Variants in RAD51B observed in about 807,000 individuals in gnomAD.
RAD51B encodes the protein DNA repair protein RAD51 homolog 2.
RAD51B carries 38 observed loss-of-function variants against 42.2 expected under a neutral mutation model. That is an observed-to-expected ratio of 0.90 (90% CI 0.70 to 1.18). The LOEUF (loss-of-function observed/expected upper bound fraction) is 1.18. Among genes scored for constraint, RAD51B ranks in the 50% most tolerant of loss-of-function variants. The pLI is 0.00. For synonymous variants in RAD51B, 154 were observed against 145.2 expected, an observed-to-expected ratio of 1.06 and a Z score of -0.43; for missense variants, 373 against 400.7, an observed-to-expected ratio of 0.93 and a Z score of 0.59.
intron 7 of RAD51B, among the ~76,000 whole-genome samples, chr14:68,000,526 A>G (rs1180264446): frequency 6.6e-6 from 1 of 152,136 alleles, no homozygotes; most frequent in Non-Finnish European, 1.5e-5. Context: ...ATTTTATTTC[A>G]TTGAGGTTAA....
intron 8 of RAD51B, among the ~76,000 whole-genome samples, chr14:68,363,992 C>T (rs924015129): frequency 6.6e-6 from 1 of 152,188 alleles, no homozygotes; most frequent in African/African-American, 2.4e-5. Flanking sequence ...ACACGCGCCC[C>T]AGTGAGAGCG....
intron 10 of RAD51B, among the ~76,000 whole-genome samples, chr14:68,619,963 A>T (rs1262358678): frequency 1.3e-5 from 2 of 152,102 alleles, no homozygotes; most frequent in East Asian, 3.9e-4. Context: ...CCTTGCCCCA[A>T]ATATAATGTA....
rs945471718 is a variant in RAD51B at position 68,477,933 on chromosome 14, T to A, written c.*269T>A. On this transcript the variant is annotated 3_prime_UTR_variant, in exon 11 of 11. Transcript: ENST00000471583. The stretch of plus-strand genomic sequence containing the variant: ...CATGGGATGTCAACAGCCATAATAA[T>A]AATTTGCACTTATATAGCACCTTTC... The A allele has an allele frequency of 7.9e-7, 1 of 1,265,430 alleles. No individual in the cohort carries two copies. Among genetic ancestry groups the A allele is most frequent in the Non-Finnish European group, 9.9e-7 (1 of 1,005,450 alleles). 78.4% of individuals were successfully genotyped at this position (1,265,430 alleles called of 1,614,324 possible).
At position 68,334,100 on chromosome 14, in the gene RAD51B, G is replaced by A. The variant is rs1168900821; in HGVS notation, c.853+42120G>A. 1.3e-5 allele frequency among the ~76,000 whole-genome samples: 2 copies of A among 151,970 alleles called. 1 individual carries two copies. Among genetic ancestry groups the A allele is most frequent in the East Asian group, 3.9e-4 (2 of 5,188 alleles). On this transcript the variant is annotated intron_variant, in intron 8 of 10. Coordinates refer to ENST00000471583, the MANE Select transcript of RAD51B (RefSeq NM_133510.4). ...CAGGTTCATCTATATTGTCACAAAT[G>A]GTGGAATCTCATTCTTTTTTATGGC... is the stretch of plus-strand genomic sequence containing the variant.
chr14:67,882,829 C>T (rs1018474614), intron 5 of RAD51B, among the ~76,000 whole-genome samples: 3 of 152,116 alleles, frequency 2.0e-5, no homozygotes, highest in Non-Finnish European at 4.4e-5. Context: ...ACTGCAACCT[C>T]CATCTCCCAG....
intron 7 of RAD51B, among the ~76,000 whole-genome samples, chr14:68,267,738 A>G (rs1446806000): frequency 6.6e-6 from 1 of 152,194 alleles, no homozygotes; most frequent in Non-Finnish European, 1.5e-5. Flanking sequence ...ATTATAATCT[A>G]TTGGGCTGAT....
chr14:68,190,195 G>GT (rs35371800), intron 7 of RAD51B, among the ~76,000 whole-genome samples: 122,413 of 152,050 alleles, frequency 0.81, 49,699 homozygotes, highest in East Asian at 0.98. Context: ...GAGTTTAGTA[G>GT]TTTCCTTGAA....
At chr14:68,646,345 G>T (rs1166103930) in intron 10 of RAD51B, among the ~76,000 whole-genome samples, 1 of 152,164 alleles carries the variant, frequency 6.6e-6, no homozygotes, top group Non-Finnish European at 1.5e-5. Flanking sequence ...GACTATGAAT[G>T]AAACTGACCT....
chr14:68,064,242 A>G (rs949228790), intron 7 of RAD51B, among the ~76,000 whole-genome samples: 1 of 151,982 alleles, frequency 6.6e-6, no homozygotes, highest in Non-Finnish European at 1.5e-5. Context: ...ATGGCTAGCA[A>G]TTTTTTTCTT....
At chr14:67,826,556 A>G (rs972448804) in intron 3 of RAD51B, among the ~76,000 whole-genome samples, 5 of 152,232 alleles carry the variant, frequency 3.3e-5, no homozygotes, top group African/African-American at 7.2e-5. Context: ...TTACTGCCTT[A>G]TATTGAAATT....
At chr14:68,063,622 G>A (rs1325591391) in intron 7 of RAD51B, among the ~76,000 whole-genome samples, 1 of 152,174 alleles carries the variant, frequency 6.6e-6, no homozygotes, top group African/African-American at 2.4e-5. Flanking sequence ...TGTGGTCCCA[G>A]CTACTCAGGA....
chr14:68,295,962 G>A (rs2081606858), intron 8 of RAD51B, among the ~76,000 whole-genome samples: 1 of 152,160 alleles, frequency 6.6e-6, no homozygotes. Flanking sequence ...GTGGAGACAG[G>A]CAGAGAGAGC....
chr14:68,347,424 A>T (rs1211818745), intron 8 of RAD51B, among the ~76,000 whole-genome samples: 1 of 152,234 alleles, frequency 6.6e-6, no homozygotes, highest in Admixed American at 6.5e-5. Flanking sequence ...GCTCATGCTT[A>T]TAATCCCAAC....
chr14:68,106,262 A>G (rs1322686169), intron 7 of RAD51B, among the ~76,000 whole-genome samples: 2 of 151,614 alleles, frequency 1.3e-5, no homozygotes, highest in East Asian at 1.9e-4. Context: ...TTTTATTTTT[A>G]TCATTTCTAC....
intron 4 of RAD51B, among the ~76,000 whole-genome samples, chr14:67,838,659 G>T (rs2041327355): frequency 6.6e-6 from 1 of 152,024 alleles, no homozygotes; most frequent in South Asian, 2.1e-4. Flanking sequence ...TGCCCAGACT[G>T]GTCTTGAACT....
chr14:67,868,528 C>T (rs2042406472), intron 5 of RAD51B, among the ~76,000 whole-genome samples: 1 of 152,368 alleles, frequency 6.6e-6, no homozygotes, highest in East Asian at 1.9e-4. Context: ...CGCCATTGCC[C>T]AGGCTTGCTT....
At chr14:68,215,461 A>G (rs1157283122) in intron 7 of RAD51B, among the ~76,000 whole-genome samples, 2 of 152,216 alleles carry the variant, frequency 1.3e-5, no homozygotes, top group East Asian at 1.9e-4. Context: ...CTGAGCACCA[A>G]TCTGTTCCAA....
intron 7 of RAD51B, among the ~76,000 whole-genome samples, chr14:67,958,391 A>G (rs2074593637): frequency 6.6e-6 from 1 of 152,194 alleles, no homozygotes. Flanking sequence ...TTTTGCAAAC[A>G]CGGCTATATG....
At chr14:67,827,818 C>G (rs1047520693) in intron 3 of RAD51B, among the ~76,000 whole-genome samples, 2 of 152,194 alleles carry the variant, frequency 1.3e-5, no homozygotes. Flanking sequence ...AGGACATAAT[C>G]TCATTCCTTT....
Sources: gnomAD v4.1 joint callset for allele counts (sites outside exome capture counted in the v4.1 genomes callset) on GRCh38, gnomAD v4.1.1 for gene constraint, MANE v1.5 for transcripts, NCBI Gene and HGNC (gene_info 2026-07-23, HGNC 2026-07-21) for gene names.